The following GGPS1 variants were observed in gnomAD, a reference collection of about 807,000 sequenced individuals.
GGPS1 encodes geranylgeranyl pyrophosphate synthase.
Under a neutral mutation model 28.1 loss-of-function variants are expected in GGPS1, and 15 were observed. The observed-to-expected ratio is 0.53, with a 90% CI of 0.36 to 0.82. The LOEUF (loss-of-function observed/expected upper bound fraction) is 0.82. GGPS1 is among the 40% of genes least tolerant of loss of function. GGPS1 has a pLI of 0.01. For synonymous variants in GGPS1, 138 were observed against 122.4 expected (o/e 1.13, Z -0.84); for missense variants, 284 against 348.3 (o/e 0.82, Z 1.47).
Position 235,335,244 on chromosome 1 carries a change from T to G in GGPS1, c.-21T>G. On this transcript the variant is annotated splice_region_variant and 5_prime_UTR_variant, in exon 2 of 4. The change creates a new upstream start codon in the 5' untranslated region. Coordinates refer to ENST00000282841, the MANE Select transcript of GGPS1 (RefSeq NM_004837.4). ...TTTATGTTTCTCCTTTTTGACAGAT[T>G]AGCTTTGAAGTTTAAATCCAATGGA... 7.7e-7 allele frequency: 1 copy of G among 1,299,832 alleles called. No individual in the cohort carries two copies. The highest frequency in any genetic ancestry group is 1.1e-6 in the Non-Finnish European group (1 of 904,458). 80.5% of individuals were successfully genotyped at this position (1,299,832 alleles called of 1,614,324 possible).
intron 2 of GGPS1, 45 bp from the exon 3 acceptor site, chr1:235,341,663 A>T (rs1676048783): frequency 9.4e-7 from 1 of 1,058,928 alleles, no homozygotes; most frequent in South Asian, 1.3e-5. Flanking sequence ...AATACTCATA[A>T]TTAAAACACT....
intron 2 of GGPS1, among the ~76,000 whole-genome samples, chr1:235,335,813 A>G (rs1471927921): frequency 6.6e-6 from 1 of 152,250 alleles, no homozygotes; most frequent in African/African-American, 2.4e-5. Flanking sequence ...CAGATTCCCC[A>G]CTGTTTAGAT....
At chr1:235,333,399 C>G (rs1675776028) in intron 1 of GGPS1, among the ~76,000 whole-genome samples, 1 of 151,650 alleles carries the variant, frequency 6.6e-6, no homozygotes, top group South Asian at 2.1e-4. Flanking sequence ...GAAACCCCAT[C>G]TCTACTAAAA....
intron 2 of GGPS1, among the ~76,000 whole-genome samples, chr1:235,340,155 T>TA (rs1675989433): frequency 6.6e-6 from 1 of 151,844 alleles, no homozygotes; most frequent in Non-Finnish European, 1.5e-5. Context: ...CAAAAAGACC[T>TA]ATCTTGAGCT....
In GGPS1 at chr1:235,331,526, C is replaced by T. The variant is rs373087303; in HGVS notation, c.-24+2748C>T. ...TAGCTGGGAATCTTAATCTGAGGTA[C>T]GTGTAAACATTCAGGGACTATATGA... On this transcript the variant is annotated intron_variant, in intron 1 of 3. Coordinates refer to ENST00000282841, the MANE Select transcript of GGPS1 (RefSeq NM_004837.4). Among the ~76,000 whole-genome samples the T allele has an allele frequency of 3.2e-4, 49 of 151,932 alleles. No homozygotes were observed. In the East Asian group the frequency reaches 6.0e-3, roughly 19 times the overall value.
At position 235,342,597 on chromosome 1, in the gene GGPS1, T is replaced by TA. The variant is rs767787659; in HGVS notation, c.735dup (p.Tyr246IlefsTer7). On this transcript the variant is annotated frameshift_variant, in exon 4 of 4. Coordinates refer to ENST00000282841, the MANE Select transcript of GGPS1 (RefSeq NM_004837.4). LOFTEE classifies it high-confidence loss of function. ...CGCCAGAGAACAGAAAACATAGATA[T>TA]AAAAAAATACTGTGTACATTATCTT... 6 of 1,611,486 alleles carry TA rather than the reference T, an allele frequency of 3.7e-6. No homozygotes were observed. Among genetic ancestry groups the TA allele is most frequent in the Non-Finnish European group, 5.1e-6 (6 of 1,177,646 alleles).
Position 235,342,106 on chromosome 1 carries a change from C to A in GGPS1, c.237C>A (p.Ala79=). The change falls in exon 4 of 4, where the codon GCC becomes GCA. Residue 79 remains alanine (A), a synonymous_variant. Transcript: ENST00000282841. Reference sequence around the variant, plus strand: ...AACTCCGACGTGGCTTTCCAGTGGCCCACAGCATCTATGGAATCCCATCTG... The same window carrying A: ...AACTCCGACGTGGCTTTCCAGTGGCACACAGCATCTATGGAATCCCATCTG... ...NSKLRRGFPV[A]HSIYGIPSVI... 6.2e-7 allele frequency: 1 copy of A among 1,613,688 alleles called. No individual in the cohort carries two copies. Among genetic ancestry groups the A allele is most frequent in the Non-Finnish European group, 8.5e-7 (1 of 1,179,674 alleles).
At chr1:235,338,317 G>A (rs989095583) in intron 2 of GGPS1, among the ~76,000 whole-genome samples, 2 of 151,770 alleles carry the variant, frequency 1.3e-5, no homozygotes, top group Non-Finnish European at 2.9e-5. Flanking sequence ...GGGAGGTTGA[G>A]GCTGCAGTAA....
Position 235,342,615 on chromosome 1 carries a change from A to G in GGPS1, c.746A>G (p.His249Arg), listed in dbSNP as rs1173604596. 6.2e-7 allele frequency: 1 copy of G among 1,611,974 alleles called. No homozygotes were observed. The highest frequency in any genetic ancestry group is 8.5e-7 in the Non-Finnish European group (1 of 1,178,014). ...ENIDIKKYCVHYLEDVGSFEY... is the reference protein window; with the variant it reads ...ENIDIKKYCVRYLEDVGSFEY... ...ATAGATATAAAAAAATACTGTGTAC[A>G]TTATCTTGAGGATGTAGGTTCTTTT... Residue 249 changes from histidine (H) to arginine (R), a missense_variant, in exon 4 of 4, where the codon CAT (histidine) becomes CGT (arginine). Coordinates refer to ENST00000282841, the MANE Select transcript of GGPS1 (RefSeq NM_004837.4).
intron 1 of GGPS1, among the ~76,000 whole-genome samples, chr1:235,334,499 T>C (rs1447496291): frequency 6.6e-6 from 1 of 152,224 alleles, no homozygotes; most frequent in Non-Finnish European, 1.5e-5. Flanking sequence ...TTTCAGCAGT[T>C]TTTAGTGTAT....
chr1:235,327,758 A>G (rs1252355236), upstream of GGPS1: 1 of 152,582 alleles, frequency 6.6e-6, no homozygotes, highest in Non-Finnish European at 1.5e-5. Context: ...AGCCCCAGAA[A>G]ATATCCCTAC....
At chr1:235,337,234 CT>C (rs1675895852) in intron 2 of GGPS1, 1 of 150,298 alleles carries the variant, frequency 6.7e-6, no homozygotes, top group Non-Finnish European at 1.5e-5. Context: ...ACAAGCATCG[CT>C]TGAATGTCTC....
rs2103352164 is a variant in GGPS1 at position 235,343,079 on chromosome 1, A to G, written c.*307A>G. On this transcript the variant is annotated 3_prime_UTR_variant, in exon 4 of 4. Transcript: ENST00000282841. ...ATGTTGTGTTTATTCCGTCAATAAAAAAGACTTGCTTCCAGGAATTTTTAT... is the reference window on the plus strand; with the variant it reads ...ATGTTGTGTTTATTCCGTCAATAAAGAAGACTTGCTTCCAGGAATTTTTAT... 4.8e-6 allele frequency: 1 copy of G among 210,242 alleles called. No homozygotes were observed. The highest frequency in any genetic ancestry group is 1.2e-4 in the East Asian group (1 of 8,164). 13.0% of individuals were successfully genotyped at this position (210,242 alleles called of 1,614,324 possible).
chr1:235,339,597 T>TA (rs1477400382), intron 2 of GGPS1, among the ~76,000 whole-genome samples: 1 of 150,266 alleles, frequency 6.7e-6, no homozygotes, highest in East Asian at 2.0e-4. Context: ...CTGTCTCTAC[T>TA]AAAATTACAA....
chr1:235,332,876 C>A (rs916366224), intron 1 of GGPS1, among the ~76,000 whole-genome samples: 3 of 151,780 alleles, frequency 2.0e-5, no homozygotes, highest in African/African-American at 7.3e-5. Flanking sequence ...ATTTAGAAAT[C>A]GAGGAACACT....
intron 3 of GGPS1, 47 bp downstream of exon 3, chr1:235,341,825 G>A (rs760862827): frequency 9.9e-6 from 11 of 1,113,624 alleles, no homozygotes; most frequent in East Asian, 7.1e-5. Flanking sequence ...ATTAATAGCT[G>A]TCGCATAAAA....
intron 1 of GGPS1, among the ~76,000 whole-genome samples, chr1:235,333,101 C>T (rs1171840286): frequency 2.0e-5 from 3 of 149,270 alleles, no homozygotes; most frequent in Non-Finnish European, 4.4e-5. Flanking sequence ...AGGAACACAT[C>T]CTCACTGTTA....
chr1:235,341,966 G>A (rs1296150133), intron 3 of GGPS1, 45 bp from the exon 4 acceptor site: 2 of 1,226,598 alleles, frequency 1.6e-6, no homozygotes, highest in Non-Finnish European at 1.1e-6. Context: ...AACTGAGTAA[G>A]TTTTGAATAG....
rs1469833659 is a variant in GGPS1, at chr1:235,343,830, C to G, written c.*1058C>G. ...GAGCCTTTGAACCTTATTATATTTCCCCATCATTGATAGTGACAATCTTAA... is the reference window on the plus strand; with the variant it reads ...GAGCCTTTGAACCTTATTATATTTCGCCATCATTGATAGTGACAATCTTAA... On this transcript the variant is annotated 3_prime_UTR_variant, in exon 4 of 4. Coordinates refer to ENST00000282841, the MANE Select transcript of GGPS1 (RefSeq NM_004837.4). 1 of 166,732 alleles carries G rather than the reference C, an allele frequency of 6.0e-6. No homozygotes were observed. The highest frequency in any genetic ancestry group is 2.4e-5 in the African/African-American group (1 of 41,324). The allele number at this position is 166,732 out of a possible 1,614,324, so 10.3% of individuals were successfully genotyped here.
Sources: gnomAD v4.1 joint callset for allele counts (sites outside exome capture counted in the v4.1 genomes callset) on GRCh38, gnomAD v4.1.1 for gene constraint, MANE v1.5 for transcripts, NCBI Gene and HGNC (gene_info 2026-07-23, HGNC 2026-07-21) for gene names.